Variants in C20orf96 observed in about 807,000 individuals in gnomAD.
The protein encoded by C20orf96 is chromosome 20 open reading frame 96.
In C20orf96, 57 loss-of-function variants were observed where a neutral mutation model predicts 52.6. That is an observed-to-expected ratio of 1.08 (90% CI 0.88 to 1.35). C20orf96 has a LOEUF of 1.35. C20orf96 is among the 40% of genes most tolerant of loss of function. C20orf96 has a pLI of 0.00. For missense variants in C20orf96, 478 were observed against 443.6 expected, an observed-to-expected ratio of 1.08 and a Z score of -0.70; for synonymous variants, 168 against 157.2, an observed-to-expected ratio of 1.07 and a Z score of -0.51.
rs1196975549 is a variant in C20orf96 at position 275,997 on chromosome 20, T to C, written c.1002A>G (p.Ile334Met). Residue 334 changes from isoleucine to methionine, a missense_variant, in exon 10 of 11, where the codon ATA becomes ATG. By Grantham distance (10) the Ile-to-Met change is conservative. Coordinates refer to ENST00000360321, the MANE Select transcript of C20orf96 (RefSeq NM_153269.3). ...GTCTCCGAAGCAGAACATCCTCAAA[T>C]ATGACCTCTCGGGGTTCCCGGGTCT... ...QAQTREPREVIFEDVLLRRPK... is the reference protein window; with the variant it reads ...QAQTREPREVMFEDVLLRRPK... 1.2e-6 allele frequency: 2 copies of C among 1,613,992 alleles called. No individual in the cohort carries two copies. Among genetic ancestry groups the C allele is most frequent in the Admixed American group, 1.7e-5 (1 of 59,998 alleles).
chr20:284,038 C>T lies in C20orf96; in HGVS notation c.231G>A (p.Pro77=), dbSNP rs367585129. 2.0e-4 allele frequency: 316 copies of T among 1,613,994 alleles called. 1 individual carries two copies. The highest frequency in any genetic ancestry group is 1.4e-3 in the Admixed American group (84 of 59,992). The change falls in exon 4 of 11, where the codon CCG becomes CCA. Residue 77 remains proline, a synonymous_variant. Transcript: ENST00000360321. ...TTCTATGTAGTTCTCTTGGATTCTT[C>T]GGCTGGCAGCTTGTCACCACCGTAG... ...KPTTVVTSCQ[P]KNPRELHRRR...
intron 9 of C20orf96, chr20:276,516 G>C (rs117367927): frequency 3.0e-6 from 3 of 985,298 alleles, no homozygotes; most frequent in African/African-American, 3.5e-5. Context: ...AAAGATGCAC[G>C]GTGGTTAATG....
intron 4 of C20orf96, among the ~76,000 whole-genome samples, chr20:280,431 A>C (rs917525202): frequency 3.3e-5 from 5 of 152,352 alleles, no homozygotes; most frequent in African/African-American, 1.2e-4. Context: ...AGGGCCCTCT[A>C]CATGCCAGGC....
chr20:290,164 A>T, intron 2 of C20orf96, 95 bp downstream of exon 2: 3 of 960,732 alleles, frequency 3.1e-6, no homozygotes, highest in Non-Finnish European at 4.7e-6. Flanking sequence ...TCTCCAGCCT[A>T]TATCCGCGGA....
In C20orf96 at chr20:283,960, T is replaced by C. The variant is rs566102622; in HGVS notation, c.306+3A>G. ...CAGTGTCCAGGGAAGATGTGCCTCATACCTTCATTAACCAGATTTTGGCAT... is the reference window on the plus strand; with the variant it reads ...CAGTGTCCAGGGAAGATGTGCCTCACACCTTCATTAACCAGATTTTGGCAT... On this transcript the variant is annotated splice_donor_region_variant and intron_variant, in intron 4 of 10. Coordinates refer to ENST00000360321, the MANE Select transcript of C20orf96 (RefSeq NM_153269.3). 6 of 1,600,016 alleles carry C rather than the reference T, an allele frequency of 3.7e-6. No individual in the cohort carries two copies. Among genetic ancestry groups the C allele is most frequent in the East Asian group, 4.5e-5 (2 of 44,816 alleles).
intron 4 of C20orf96, among the ~76,000 whole-genome samples, chr20:280,060 GGAT>G (rs2012212512): frequency 6.6e-6 from 1 of 152,086 alleles, no homozygotes; most frequent in Non-Finnish European, 1.5e-5. Flanking sequence ...GAGGCAAAAT[GGAT>G]GATAAACGTC....
intron 3 of C20orf96, 27 bp from the exon 4 acceptor site, chr20:284,108 AG>A (rs1219232213): frequency 6.3e-7 from 1 of 1,591,324 alleles, no homozygotes; most frequent in Non-Finnish European, 8.6e-7. Context: ...AAGGACAGGG[AG>A]AGAGTGAGGG....
intron 10 of C20orf96, among the ~76,000 whole-genome samples, chr20:272,080 A>T (rs8117711): frequency 0.11 from 16,361 of 151,360 alleles, 897 homozygotes; most frequent in East Asian, 0.16. Flanking sequence ...AAATACTATT[A>T]AAAAAATGAA....
intron 5 of C20orf96, among the ~76,000 whole-genome samples, chr20:278,806 AC>A (rs1402110988): frequency 1.4e-5 from 2 of 143,816 alleles, no homozygotes; most frequent in Admixed American, 1.4e-4. Flanking sequence ...CTGGGATGAA[AC>A]CCATCTCGGT....
In C20orf96 at chr20:279,506, CG is replaced by C. The variant is rs540019892; in HGVS notation, c.307-177del. ...CATTGTCTGCGCCGCCCGGGAGCTC[CG>C]GGACTCTCATCCGTTCGGAAACGCA... On this transcript the variant is annotated intron_variant, in intron 4 of 10. Coordinates refer to ENST00000360321, the MANE Select transcript of C20orf96 (RefSeq NM_153269.3). 5.5e-3 allele frequency among the ~76,000 whole-genome samples: 841 copies of C among 152,234 alleles called. 4 individuals are homozygous for C. The highest frequency in any genetic ancestry group is 7.5e-3 in the Non-Finnish European group (507 of 67,986).
intron 5 of C20orf96, among the ~76,000 whole-genome samples, chr20:278,730 C>T (rs2012110630): frequency 6.7e-6 from 1 of 149,898 alleles, no homozygotes; most frequent in Non-Finnish European, 1.5e-5. Flanking sequence ...GCTATGGTGC[C>T]GCATTTCACA....
intron 6 of C20orf96, among the ~76,000 whole-genome samples, chr20:277,808 C>T (rs59953878): frequency 0.45 from 67,918 of 151,472 alleles, 15,208 homozygotes; most frequent in East Asian, 0.54. Flanking sequence ...TCCAGAGAGA[C>T]CCCCAATGTC....
intron 4 of C20orf96, among the ~76,000 whole-genome samples, chr20:281,386 C>T (rs2012251364): frequency 6.6e-6 from 1 of 152,074 alleles, no homozygotes; most frequent in Admixed American, 6.5e-5. Context: ...AGTGAGAGTG[C>T]ACTCATGTGC....
At chr20:280,223 T>C (rs1044023006) in intron 4 of C20orf96, among the ~76,000 whole-genome samples, 2 of 127,444 alleles carry the variant, frequency 1.6e-5, no homozygotes, top group Non-Finnish European at 3.5e-5. Flanking sequence ...ACAACAACAA[T>C]TGTACTTCCC....
rs1159214375 is a variant in C20orf96 at position 290,286 on chromosome 20, G to A, written c.42C>T (p.His14=). 6.8e-6 allele frequency: 11 copies of A among 1,612,852 alleles called. 1 individual carries two copies. The highest frequency in any genetic ancestry group is 2.2e-5 in the South Asian group (2 of 90,706). Residue 14 remains histidine, a synonymous_variant, in exon 2 of 11, where the codon CAC becomes CAT. Transcript: ENST00000360321. ...GAACCTGGAACTCCTGGACTATGGAGTGAGTCCCAGAGTGCTTGGGTCTGG... is the reference window on the plus strand; with the variant it reads ...GAACCTGGAACTCCTGGACTATGGAATGAGTCCCAGAGTGCTTGGGTCTGG... The part of the protein sequence containing the change: ...VLQKPKHSGT[H]SIVQEFQVPD...
chr20:276,820 G>A lies in C20orf96; in HGVS notation c.885C>T (p.Phe295=). Residue 295 remains phenylalanine (F), a synonymous_variant, in exon 9 of 11, where the codon TTC becomes TTT. Transcript: ENST00000360321. ...CTCTGAACCTTTGCATGCATTTCAG[G>A]AAGTCCTGGCTTTCCCACATCTTCT... ...LLQKMWESQD[F]LKCMQRFREI... 2 of 1,613,616 alleles carry A rather than the reference G, an allele frequency of 1.2e-6. No homozygotes were observed. Among genetic ancestry groups the A allele is most frequent in the South Asian group, 1.1e-5 (1 of 90,904 alleles).
chr20:280,060 G>A (rs892361502), intron 4 of C20orf96, among the ~76,000 whole-genome samples: 1 of 152,086 alleles, frequency 6.6e-6, no homozygotes, highest in Non-Finnish European at 1.5e-5. Context: ...GAGGCAAAAT[G>A]GATGATAAAC....
In C20orf96 at chr20:278,397, C is replaced by T. The variant is rs1254911568; in HGVS notation, c.498G>A (p.Lys166=). Reference sequence around the variant, plus strand: ...CAGATTTCAATTGCTGCAGCCTCTTCTTGTTTGAGTACTCCAAGATGTCGA... The same window carrying T: ...CAGATTTCAATTGCTGCAGCCTCTTTTTGTTTGAGTACTCCAAGATGTCGA... ...TIIDILEYSN[K]KRLQQLKSEL... Residue 166 remains lysine (K), a synonymous_variant, in exon 6 of 11, where the codon AAG becomes AAA. Coordinates refer to ENST00000360321, the MANE Select transcript of C20orf96 (RefSeq NM_153269.3). 1.2e-6 allele frequency: 2 copies of T among 1,613,876 alleles called. No individual in the cohort carries two copies. The highest frequency in any genetic ancestry group is 1.3e-5 in the African/African-American group (1 of 74,904).
intron 4 of C20orf96, among the ~76,000 whole-genome samples, chr20:281,589 G>T (rs1172859221): frequency 6.6e-6 from 1 of 152,142 alleles, no homozygotes; most frequent in Non-Finnish European, 1.5e-5. Flanking sequence ...TGCTTGCCAT[G>T]TGGCTGATAC....
Sources: allele counts gnomAD v4.1 joint callset (sites outside exome capture counted in the v4.1 genomes callset), GRCh38; gene constraint gnomAD v4.1.1; transcripts MANE v1.5; gene names NCBI Gene and HGNC (gene_info 2026-07-23, HGNC 2026-07-21).